The following IQCH variants were observed in gnomAD, a reference collection of about 807,000 sequenced individuals.
The protein encoded by IQCH is IQ domain-containing protein H.
Under a neutral mutation model 117.0 loss-of-function variants are expected in IQCH, and 98 were observed. That is an observed-to-expected ratio of 0.84 (90% CI 0.71 to 0.99). The LOEUF is 0.99. Among genes scored for constraint, IQCH ranks in the 50% least tolerant of loss-of-function variants. The pLI, the probability that IQCH is intolerant of heterozygous loss-of-function variation, is 0.00. For missense variants in IQCH, 1,102 were observed against 1,243.8 expected (o/e 0.89, Z 1.72); for synonymous variants, 412 against 448.2 (o/e 0.92, Z 1.02).
Position 67,416,630 on chromosome 15 carries a change from T to C in IQCH, c.2098-301T>C, listed in dbSNP as rs2081585833. 1.3e-5 allele frequency among the ~76,000 whole-genome samples: 2 copies of C among 152,322 alleles called. No homozygotes were observed. Among genetic ancestry groups the C allele is most frequent in the East Asian group, 1.9e-4 (1 of 5,188 alleles). ...GAAAAGATATTGCCCAAGGACACTC[T>C]GCTGGTCAGGCTGCCAGCTGCAGTG... On this transcript the variant is annotated intron_variant, in intron 14 of 20. Coordinates refer to ENST00000335894, the MANE Select transcript of IQCH (RefSeq NM_001031715.3). This position sits in a 1 kb window ranked among gnomAD's most constrained non-coding sequence, Gnocchi z 5.1.
rs1368942551 is a variant in IQCH at position 67,372,138 on chromosome 15, G to T, written c.781G>T (p.Ala261Ser). 6.2e-7 allele frequency: 1 copy of T among 1,610,574 alleles called. No homozygotes were observed. Among genetic ancestry groups the T allele is most frequent in the Non-Finnish European group, 8.5e-7 (1 of 1,178,766 alleles). The change falls in exon 9 of 21, where the codon GCC (alanine) becomes TCC (serine). Residue 261 changes from alanine to serine, a missense_variant. Ala to Ser is a moderately conservative substitution (Grantham distance 99, BLOSUM62 1). Transcript: ENST00000335894. ...CATGAAAGTCAAAACACCTTTGAGA[G>T]CCCTGAAATCACTGTGGGATTATGA... ...KAMKVKTPLRALKSLWDYDFL... is the reference protein window; with the variant it reads ...KAMKVKTPLRSLKSLWDYDFL...
Position 67,372,648 on chromosome 15 carries a change from C to T in IQCH, c.1291C>T (p.Arg431Cys), listed in dbSNP as rs777209863. Residue 431 changes from arginine (R) to cysteine (C), a missense_variant, in exon 9 of 21, where the codon CGC becomes TGC. Physicochemically the swap from Arg to Cys is radical, Grantham distance 180. Coordinates refer to ENST00000335894, the MANE Select transcript of IQCH (RefSeq NM_001031715.3). ...ESRQRHLENFRIRAKHLAANW... is the reference protein window; with the variant it reads ...ESRQRHLENFCIRAKHLAANW... Reference sequence around the variant, plus strand: ...ACGTCAGAGACACCTGGAGAATTTTCGCATTCGAGCCAAGGTGCACAAGGC... The same window carrying T: ...ACGTCAGAGACACCTGGAGAATTTTTGCATTCGAGCCAAGGTGCACAAGGC... 2.1e-5 allele frequency: 33 copies of T among 1,603,578 alleles called. 1 individual carries two copies. The Admixed American group carries it at 2.4e-4, about 12-fold the overall frequency.
At chr15:67,492,152 T>C (rs1442888306) in intron 19 of IQCH, among the ~76,000 whole-genome samples, 1 of 152,146 alleles carries the variant, frequency 6.6e-6, no homozygotes, top group Non-Finnish European at 1.5e-5. Flanking sequence ...TTGGCATGCA[T>C]GGGAATAAGA....
intron 2 of IQCH, among the ~76,000 whole-genome samples, chr15:67,262,350 A>T (rs956235851): frequency 2.6e-5 from 4 of 152,172 alleles, no homozygotes; most frequent in African/African-American, 9.7e-5. Flanking sequence ...TCCACCTTCT[A>T]TACCTCTTAT....
intron 3 of IQCH, 131 bp downstream of exon 3, chr15:67,263,347 G>A: frequency 3.3e-6 from 2 of 603,082 alleles, no homozygotes; most frequent in Non-Finnish European, 5.9e-6. Context: ...ATTAATTCTA[G>A]TAGAGATTTT....
intron 4 of IQCH, among the ~76,000 whole-genome samples, chr15:67,335,733 CT>C (rs1968863807): frequency 6.6e-6 from 1 of 152,176 alleles, no homozygotes; most frequent in African/African-American, 2.4e-5. Context: ...CTGGTAGCAC[CT>C]CCCTTTCCCC....
intron 17 of IQCH, among the ~76,000 whole-genome samples, chr15:67,468,421 A>G (rs1248626078): frequency 6.6e-6 from 1 of 152,254 alleles, no homozygotes; most frequent in Non-Finnish European, 1.5e-5. Flanking sequence ...CAACAACAGC[A>G]GAGTTTATGT....
In IQCH at chr15:67,427,905, T is replaced by C. The variant is rs1322113346; in HGVS notation, c.2505+6328T>C. 2.0e-5 allele frequency among the ~76,000 whole-genome samples: 3 copies of C among 152,012 alleles called. No individual in the cohort carries two copies. Among genetic ancestry groups the C allele is most frequent in the Non-Finnish European group, 2.9e-5 (2 of 68,012 alleles). On this transcript the variant is annotated intron_variant, in intron 16 of 20. Coordinates refer to ENST00000335894, the MANE Select transcript of IQCH (RefSeq NM_001031715.3). This position sits in a 1 kb window ranked among gnomAD's most constrained non-coding sequence, Gnocchi z 4.7. Reference sequence around the variant, plus strand: ...GTGCAGTGGCATGATCTTGCTTCACTGTAATCTTTGCCTCCCAGGCTCAAG... The same window carrying C: ...GTGCAGTGGCATGATCTTGCTTCACCGTAATCTTTGCCTCCCAGGCTCAAG...
chr15:67,286,667 T>C (rs1322772377), intron 4 of IQCH, among the ~76,000 whole-genome samples: 1 of 152,104 alleles, frequency 6.6e-6, no homozygotes, highest in Non-Finnish European at 1.5e-5. Context: ...TGGAGTGCCA[T>C]GGTGCAGTTC....
In IQCH at chr15:67,474,645, T is replaced by TC. The variant is rs74657480; in HGVS notation, c.2677-1047dup. 0.13 allele frequency among the ~76,000 whole-genome samples: 19,373 copies of TC among 152,208 alleles called. 1,333 individuals are homozygous for TC. Among genetic ancestry groups the TC allele is most frequent in the East Asian group, 0.2 (1,049 of 5,178 alleles). On this transcript the variant is annotated intron_variant, in intron 17 of 20. Coordinates refer to ENST00000335894, the MANE Select transcript of IQCH (RefSeq NM_001031715.3). The surrounding 1 kb of genome is among the most constrained non-coding windows in gnomAD (Gnocchi z 4.1). ...ACAAGCAAGATAAAGAAGAGCCGTT[T>TC]CCCCAAAGAAAGCAGCATCAAATTT...
rs530093206 is a variant in IQCH at position 67,493,832 on chromosome 15, C to G, written c.2862-426C>G. ...CCTCCCCTCACCCCACGACAGGCCC[C>G]GGTGTGTGATGTTCCCTACCCTGTG... On this transcript the variant is annotated intron_variant, in intron 19 of 20. Coordinates refer to ENST00000335894, the MANE Select transcript of IQCH (RefSeq NM_001031715.3). This position sits in a 1 kb window ranked among gnomAD's most constrained non-coding sequence, Gnocchi z 5.1. Among the ~76,000 whole-genome samples, 1 of 152,246 alleles carries G rather than the reference C, an allele frequency of 6.6e-6. No individual in the cohort carries two copies. The highest frequency in any genetic ancestry group is 2.4e-5 in the African/African-American group (1 of 41,560).
At chr15:67,355,377 G>T (rs1312904628) in intron 6 of IQCH, among the ~76,000 whole-genome samples, 1 of 152,018 alleles carries the variant, frequency 6.6e-6, no homozygotes, top group Non-Finnish European at 1.5e-5. Context: ...ACGAGATCAG[G>T]AGATTGAGAC....
At chr15:67,295,314 C>A (rs1219674106) in intron 4 of IQCH, among the ~76,000 whole-genome samples, 1 of 152,138 alleles carries the variant, frequency 6.6e-6, no homozygotes, top group East Asian at 1.9e-4. Flanking sequence ...CATGTAAAGA[C>A]CATATTTTCC....
intron 4 of IQCH, among the ~76,000 whole-genome samples, chr15:67,297,757 C>T (rs1966864059): frequency 2.6e-5 from 4 of 152,102 alleles, no homozygotes; most frequent in Admixed American, 2.6e-4. Flanking sequence ...AACAGTTTCC[C>T]TCGTTTAAAA....
intron 4 of IQCH, chr15:67,304,268 T>G (rs1201015680): frequency 2.8e-6 from 2 of 717,650 alleles, no homozygotes; most frequent in Non-Finnish European, 2.3e-6. Flanking sequence ...TTAAACTCCT[T>G]TGAGGATATA....
intron 12 of IQCH, 112 bp downstream of exon 12, chr15:67,389,118 A>G: frequency 2.5e-6 from 2 of 811,624 alleles, no homozygotes; most frequent in Non-Finnish European, 2.0e-6. Flanking sequence ...TTGCAAGTTT[A>G]ACAGCTTTAC....
At chr15:67,414,673 TATATA>T (rs1240103623) in intron 14 of IQCH, among the ~76,000 whole-genome samples, 165 of 148,346 alleles carry the variant, frequency 1.1e-3, no homozygotes, top group African/African-American at 3.8e-3. Flanking sequence ...AATATATATA[TATATA>T]ATATAATATA....
Position 67,491,545 on chromosome 15 carries a change from T to G in IQCH, c.2861+1481T>G, listed in dbSNP as rs2083654240. Among the ~76,000 whole-genome samples the G allele has an allele frequency of 6.6e-6, 1 of 152,098 alleles. No homozygotes were observed. The highest frequency in any genetic ancestry group is 2.1e-4 in the South Asian group (1 of 4,826). On this transcript the variant is annotated intron_variant, in intron 19 of 20. Coordinates refer to ENST00000335894, the MANE Select transcript of IQCH (RefSeq NM_001031715.3). This position sits in a 1 kb window ranked among gnomAD's most constrained non-coding sequence, Gnocchi z 4.9. ...GTTTCAGTCTTCCCCCAAGATCCCA[T>G]AAACATGCAAAACTTATTGGGTCTT...
chr15:67,336,551 A>G (rs942271764), intron 4 of IQCH, among the ~76,000 whole-genome samples: 49 of 152,182 alleles, frequency 3.2e-4, no homozygotes, highest in Admixed American at 3.2e-3. Flanking sequence ...TGACATGTTT[A>G]TCTTTTAAGT....
Sources: gnomAD v4.1 joint callset for allele counts (sites outside exome capture counted in the v4.1 genomes callset) on GRCh38, gnomAD v4.1.1 for gene constraint, Gnocchi (gnomAD v3.1) non-coding constraint, MANE v1.5 for transcripts, NCBI Gene and HGNC (gene_info 2026-07-23, HGNC 2026-07-21) for gene names.